Variants in SNX2 observed in about 807,000 individuals in gnomAD.
SNX2 encodes the protein sorting nexin-2.
SNX2 carries 25 observed loss-of-function variants against 69.9 expected under a neutral mutation model. The observed-to-expected ratio is 0.36, with a 90% CI of 0.26 to 0.50. The LOEUF is 0.50. Ranked by LOEUF, SNX2 falls within the 20% of genes least tolerant of loss-of-function variation. SNX2 has a pLI of 0.97. For synonymous variants in SNX2, 229 were observed against 200.4 expected (o/e 1.14, Z -1.20); for missense variants, 551 against 613.3 (o/e 0.90, Z 1.07).
chr5:122,796,067 G>GT (rs1753369475), intron 2 of SNX2, among the ~76,000 whole-genome samples: 1 of 152,128 alleles, frequency 6.6e-6, no homozygotes, highest in Non-Finnish European at 1.5e-5. Flanking sequence ...CTTTCATTGA[G>GT]TTAAAACTTA....
chr5:122,819,537 T>C (rs560764918), intron 11 of SNX2, among the ~76,000 whole-genome samples: 1 of 152,238 alleles, frequency 6.6e-6, no homozygotes, highest in Non-Finnish European at 1.5e-5. Context: ...AATTGTGTTA[T>C]TGAATGGTAA....
intron 1 of SNX2, among the ~76,000 whole-genome samples, chr5:122,793,181 C>T (rs1753284206): frequency 6.6e-6 from 1 of 152,098 alleles, no homozygotes; most frequent in Non-Finnish European, 1.5e-5. Flanking sequence ...TTCATAGCAG[C>T]ACTATTGATA....
Position 122,831,778 on chromosome 5 carries a change from T to G in SNX2, c.*2130T>G, listed in dbSNP as rs544360231. Among the ~76,000 whole-genome samples, 1 of 152,210 alleles carries G rather than the reference T, an allele frequency of 6.6e-6. No individual in the cohort carries two copies. Among genetic ancestry groups the G allele is most frequent in the Admixed American group, 6.5e-5 (1 of 15,280 alleles). Reference sequence around the variant, plus strand: ...ACACATAGGATGGTTATTCAAGTTATTATTAAAATCTTCCATTCAGATGTG... The same window carrying G: ...ACACATAGGATGGTTATTCAAGTTAGTATTAAAATCTTCCATTCAGATGTG... On this transcript the variant is annotated 3_prime_UTR_variant, in exon 15 of 15. Coordinates refer to ENST00000379516, the MANE Select transcript of SNX2 (RefSeq NM_003100.4).
intron 11 of SNX2, among the ~76,000 whole-genome samples, chr5:122,823,041 G>C (rs1227342219): frequency 1.3e-5 from 2 of 151,974 alleles, no homozygotes; most frequent in African/African-American, 4.8e-5. Flanking sequence ...TTTCCTGATG[G>C]GCCAAAAAAA....
chr5:122,805,023 G>T (rs1753604535), intron 6 of SNX2, among the ~76,000 whole-genome samples: 1 of 151,960 alleles, frequency 6.6e-6, no homozygotes, highest in South Asian at 2.1e-4. Context: ...CCATCATGGT[G>T]GCTCATGCCT....
chr5:122,804,095 C>G (rs1332683130), intron 6 of SNX2, among the ~76,000 whole-genome samples: 1 of 151,682 alleles, frequency 6.6e-6, no homozygotes, highest in Admixed American at 6.6e-5. Context: ...GCTGAGATCA[C>G]GCCTGGGCAA....
intron 1 of SNX2, among the ~76,000 whole-genome samples, chr5:122,776,920 A>G (rs1752870495): frequency 6.6e-6 from 1 of 152,192 alleles, no homozygotes; most frequent in African/African-American, 2.4e-5. Flanking sequence ...TGGTTAACGC[A>G]CTGTAAAAGT....
intron 3 of SNX2, among the ~76,000 whole-genome samples, chr5:122,801,343 G>T (rs1447526596): frequency 6.6e-6 from 1 of 152,098 alleles, no homozygotes; most frequent in African/African-American, 2.4e-5. Context: ...AGTGGTTCAC[G>T]CCTGTAATCC....
intron 2 of SNX2, among the ~76,000 whole-genome samples, chr5:122,798,043 C>T (rs1419555903): frequency 6.6e-6 from 1 of 152,104 alleles, no homozygotes; most frequent in Admixed American, 6.5e-5. Context: ...AATATTTTGC[C>T]TGTGAGTCTG....
At chr5:122,813,804 C>T (rs371548050) in intron 7 of SNX2, among the ~76,000 whole-genome samples, 196 of 138,378 alleles carry the variant, frequency 1.4e-3, no homozygotes, top group African/African-American at 5.1e-3. Context: ...GACGGAGTCT[C>T]GCTCTGTCAC....
intron 11 of SNX2, among the ~76,000 whole-genome samples, chr5:122,821,656 C>T (rs1188408360): frequency 6.6e-6 from 1 of 152,012 alleles, no homozygotes; most frequent in Non-Finnish European, 1.5e-5. Flanking sequence ...GAGGTTTCAC[C>T]GTGTTAGCCA....
intron 10 of SNX2, among the ~76,000 whole-genome samples, chr5:122,818,203 T>C (rs1005789510): frequency 6.6e-6 from 1 of 152,166 alleles, no homozygotes; most frequent in African/African-American, 2.4e-5. Flanking sequence ...TTGTTAGTCA[T>C]TGACAGTATT....
chr5:122,813,227 ATT>A (rs1013705712), intron 7 of SNX2, among the ~76,000 whole-genome samples: 4 of 152,030 alleles, frequency 2.6e-5, no homozygotes, highest in African/African-American at 9.7e-5. Flanking sequence ...ATAAATATTT[ATT>A]GTTTTAAAAT....
intron 11 of SNX2, among the ~76,000 whole-genome samples, chr5:122,823,180 C>T (rs1290445810): frequency 1.3e-5 from 2 of 149,484 alleles, no homozygotes; most frequent in African/African-American, 2.5e-5. Flanking sequence ...AATGGTTCTA[C>T]TAGAGTGGAT....
intron 1 of SNX2, among the ~76,000 whole-genome samples, chr5:122,794,436 TAGTA>T (rs974941839): frequency 1.3e-5 from 2 of 152,244 alleles, no homozygotes; most frequent in African/African-American, 4.8e-5. Flanking sequence ...TTAATTCAAC[TAGTA>T]GTAAGTTTTC....
At chr5:122,811,393 C>G (rs371946221) in intron 7 of SNX2, among the ~76,000 whole-genome samples, 1 of 152,104 alleles carries the variant, frequency 6.6e-6, no homozygotes, top group African/African-American at 2.4e-5. Flanking sequence ...GGTAAGGATA[C>G]ACATCTGCAA....
intron 7 of SNX2, among the ~76,000 whole-genome samples, chr5:122,812,314 C>T (rs1029026991): frequency 6.6e-6 from 1 of 152,196 alleles, no homozygotes; most frequent in Non-Finnish European, 1.5e-5. Context: ...TCATATCCTC[C>T]GTGATCACTC....
intron 1 of SNX2, among the ~76,000 whole-genome samples, chr5:122,778,648 A>G (rs577833114): frequency 5.9e-5 from 9 of 152,276 alleles, no homozygotes; most frequent in African/African-American, 2.2e-4. Context: ...AGCTGGGACT[A>G]CAGGCGTGCA....
intron 7 of SNX2, among the ~76,000 whole-genome samples, chr5:122,814,117 T>G (rs1753845244): frequency 6.6e-6 from 1 of 152,200 alleles, no homozygotes; most frequent in African/African-American, 2.4e-5. Flanking sequence ...GGTTTTTGTT[T>G]GTTTTTTACA....
Sources: gnomAD v4.1 joint callset for allele counts (sites outside exome capture counted in the v4.1 genomes callset) on GRCh38, gnomAD v4.1.1 for gene constraint, MANE v1.5 for transcripts, NCBI Gene and HGNC (gene_info 2026-07-23, HGNC 2026-07-21) for gene names.